The following LRMDA variants were observed in gnomAD, a reference collection of about 807,000 sequenced individuals.
LRMDA encodes leucine rich melanocyte differentiation associated.
In LRMDA, 18 loss-of-function variants were observed where a neutral mutation model predicts 29.8. The observed-to-expected ratio is 0.60, with a 90% CI of 0.42 to 0.90. LRMDA has a LOEUF of 0.90. LRMDA is among the 40% of genes least tolerant of loss of function. The probability of loss-of-function intolerance (pLI) is 0.00; values close to 1 mark genes in which losing one functional copy is unlikely to be tolerated. For missense variants in LRMDA, 273 were observed against 273.9 expected (o/e 1.00, Z 0.02); for synonymous variants, 125 against 109.4 (o/e 1.14, Z -0.89).
At chr10:76,031,983 C>G (rs1302432885) in intron 2 of LRMDA, among the ~76,000 whole-genome samples, 1 of 152,190 alleles carries the variant, frequency 6.6e-6, no homozygotes, top group Non-Finnish European at 1.5e-5. Flanking sequence ...AGATCGAATT[C>G]TTAGCACAGC....
chr10:75,889,752 C>G (rs544807677), intron 2 of LRMDA, among the ~76,000 whole-genome samples: 1 of 152,202 alleles, frequency 6.6e-6, no homozygotes, highest in Non-Finnish European at 1.5e-5. Flanking sequence ...TTGTGCAGAG[C>G]ATCAAACCAG....
intron 2 of LRMDA, among the ~76,000 whole-genome samples, chr10:75,791,766 G>A (rs894962129): frequency 1.3e-5 from 2 of 151,868 alleles, no homozygotes; most frequent in Admixed American, 6.6e-5. Context: ...TCAGGAAAAA[G>A]GTATATATGG....
At chr10:75,920,495 G>A (rs1042465404) in intron 2 of LRMDA, among the ~76,000 whole-genome samples, 2 of 152,146 alleles carry the variant, frequency 1.3e-5, no homozygotes, top group Admixed American at 6.6e-5. Flanking sequence ...ATTGGCAGGA[G>A]TCTAAAAGTT....
intron 4 of LRMDA, among the ~76,000 whole-genome samples, chr10:76,053,538 ATTGAAGCTGTGCCTT>A (rs1848563971): frequency 6.6e-6 from 1 of 152,074 alleles, no homozygotes; most frequent in Non-Finnish European, 1.5e-5. Flanking sequence ...TACACTCAGG[ATTGAAGCTGTGCCTT>A]TTGACACCCT....
intron 5 of LRMDA, among the ~76,000 whole-genome samples, chr10:76,263,270 A>C (rs1839965704): frequency 6.7e-6 from 1 of 149,078 alleles, no homozygotes; most frequent in Non-Finnish European, 1.5e-5. Context: ...CTTCTAACAA[A>C]CTTTTTTTTT....
intron 6 of LRMDA, among the ~76,000 whole-genome samples, chr10:76,395,066 A>G (rs375024524): frequency 1.3e-5 from 2 of 152,206 alleles, no homozygotes; most frequent in East Asian, 1.9e-4. Flanking sequence ...CTCTTCACTT[A>G]AAGCTAGCAC....
chr10:75,830,459 C>A (rs935398028), intron 2 of LRMDA, among the ~76,000 whole-genome samples: 2 of 152,212 alleles, frequency 1.3e-5, no homozygotes, highest in Admixed American at 1.3e-4. Context: ...ATTGGACTTA[C>A]AGTTCCATGT....
chr10:75,896,841 T>TTGTGTGTGTGTGTGTGTGTG lies in LRMDA; in HGVS notation c.132-139155_132-139136dup, dbSNP rs35428137. On this transcript the variant is annotated intron_variant, in intron 2 of 6. Coordinates refer to ENST00000611255, the MANE Select transcript of LRMDA (RefSeq NM_001305581.2). Reference sequence around the variant, plus strand: ...CAGTGCTAACTCTGAGAGTGTGCATTTGTGTGTGTGTGTGTGTGTGTGTGT... The same window carrying TTGTGTGTGTGTGTGTGTGTG: ...CAGTGCTAACTCTGAGAGTGTGCATTTGTGTGTGTGTGTGTGTGTGTGTGTGTGTGTGTGTGTGTGTGTGT... 2.0e-4 allele frequency among the ~76,000 whole-genome samples: 30 copies of TTGTGTGTGTGTGTGTGTGTG among 147,546 alleles called. No homozygotes were observed. In the South Asian group the frequency reaches 5.3e-3, roughly 26 times the overall value.
chr10:76,413,480 A>T (rs1841984237), intron 6 of LRMDA, among the ~76,000 whole-genome samples: 1 of 152,162 alleles, frequency 6.6e-6, no homozygotes, highest in African/African-American at 2.4e-5. Context: ...TCCCTTACAA[A>T]ACCATCAGAT....
At chr10:76,388,708 A>G (rs1841689108) in intron 6 of LRMDA, among the ~76,000 whole-genome samples, 2 of 152,254 alleles carry the variant, frequency 1.3e-5, no homozygotes, top group Non-Finnish European at 2.9e-5. Flanking sequence ...GAGGATAGTC[A>G]TGTTGAAGAT....
chr10:75,473,785 CTT>C (rs1266139882), intron 2 of LRMDA, among the ~76,000 whole-genome samples: 1 of 152,158 alleles, frequency 6.6e-6, no homozygotes, highest in African/African-American at 2.4e-5. Context: ...AGTGGCTGCT[CTT>C]GTTTGTGTCA....
At chr10:76,395,738 A>G (rs1841776263) in intron 6 of LRMDA, among the ~76,000 whole-genome samples, 1 of 152,244 alleles carries the variant, frequency 6.6e-6, no homozygotes, top group South Asian at 2.1e-4. Flanking sequence ...TTGTAGCTCT[A>G]AATCTAGGGT....
At chr10:75,648,413 T>C (rs886218381) in intron 2 of LRMDA, among the ~76,000 whole-genome samples, 3 of 152,098 alleles carry the variant, frequency 2.0e-5, no homozygotes, top group African/African-American at 7.2e-5. Context: ...CCGGGAAAAG[T>C]GTTTTTTTCC....
chr10:75,735,200 A>G (rs1842747217), intron 2 of LRMDA, among the ~76,000 whole-genome samples: 1 of 152,208 alleles, frequency 6.6e-6, no homozygotes, highest in African/African-American at 2.4e-5. Context: ...GGGTATTGTA[A>G]TGACCTTGGA....
chr10:75,877,259 G>A (rs1233579303), intron 2 of LRMDA, among the ~76,000 whole-genome samples: 1 of 152,206 alleles, frequency 6.6e-6, no homozygotes, highest in Non-Finnish European at 1.5e-5. Context: ...CTTTGTTACT[G>A]CTTTCTTGAA....
chr10:75,734,321 G>T (rs781269120), intron 2 of LRMDA, among the ~76,000 whole-genome samples: 2 of 152,094 alleles, frequency 1.3e-5, no homozygotes, highest in South Asian at 4.1e-4. Flanking sequence ...AACAATCACC[G>T]GAGCCACCAT....
chr10:76,206,436 C>T (rs1239306206), intron 5 of LRMDA, among the ~76,000 whole-genome samples: 1 of 152,156 alleles, frequency 6.6e-6, no homozygotes. Flanking sequence ...TACAGTAGTA[C>T]AGGAAAGTAT....
chr10:76,412,620 C>T (rs1004970756), intron 6 of LRMDA, among the ~76,000 whole-genome samples: 7 of 152,094 alleles, frequency 4.6e-5, no homozygotes, highest in East Asian at 1.9e-4. Flanking sequence ...CAGTATGATT[C>T]GCTGTCTAGG....
Position 76,392,171 on chromosome 10 carries a change from A to G in LRMDA, c.601+67686A>G, listed in dbSNP as rs142372274. On this transcript the variant is annotated intron_variant, in intron 6 of 6. Coordinates refer to ENST00000611255, the MANE Select transcript of LRMDA (RefSeq NM_001305581.2). ...TTCTGATGATAATTTGCATTAATAT[A>G]TTCAGTTTATGTAGCTTAGTCTCCA... 1.6e-3 allele frequency among the ~76,000 whole-genome samples: 250 copies of G among 152,180 alleles called. 1 individual carries two copies. The highest frequency in any genetic ancestry group is 2.8e-3 in the Non-Finnish European group (187 of 67,976).
Sources: gnomAD v4.1 joint callset for allele counts (sites outside exome capture counted in the v4.1 genomes callset) on GRCh38, gnomAD v4.1.1 for gene constraint, MANE v1.5 for transcripts, NCBI Gene and HGNC (gene_info 2026-07-23, HGNC 2026-07-21) for gene names.